SH3RF2: variants seen among roughly 807,000 people sequenced by gnomAD.
SH3RF2 encodes SH3 domain containing ring finger 2.
SH3RF2 carries 43 observed loss-of-function variants against 59.0 expected under a neutral mutation model. The observed-to-expected ratio is 0.73, with a 90% CI of 0.57 to 0.94. The LOEUF is 0.94. Among genes scored for constraint, SH3RF2 ranks in the 40% least tolerant of loss-of-function variants. The pLI, the probability that SH3RF2 is intolerant of heterozygous loss-of-function variation, is 0.00. For synonymous variants in SH3RF2, 391 were observed against 391.5 expected, an observed-to-expected ratio of 1.00 and a Z score of 0.01; for missense variants, 930 against 940.1, an observed-to-expected ratio of 0.99 and a Z score of 0.14.
chr5:146,069,354 T>C (rs1763180377), intron 9 of SH3RF2, among the ~76,000 whole-genome samples: 1 of 152,170 alleles, frequency 6.6e-6, no homozygotes, highest in African/African-American at 2.4e-5. Flanking sequence ...GTTGTGGCCA[T>C]GCCCAAATTG....
intron 9 of SH3RF2, among the ~76,000 whole-genome samples, chr5:146,076,478 A>AC (rs921593176): frequency 2.6e-5 from 4 of 151,836 alleles, no homozygotes; most frequent in Non-Finnish European, 5.9e-5. Flanking sequence ...AACAAAATGA[A>AC]CCCCCCGCCC....
Position 146,000,150 on chromosome 5 carries a change from G to A in SH3RF2, c.471G>A (p.Gln157=), listed in dbSNP as rs1760342909. The change falls in exon 3 of 10, where the codon CAG becomes CAA. Residue 157 remains glutamine, a synonymous_variant. Coordinates refer to ENST00000359120, the MANE Select transcript of SH3RF2 (RefSeq NM_152550.4). ...GAGATATCATCCTTCTCCGGAGACA[G>A]CTTGATGAGAATTGGTACCAGGGGG... ...NKGDIILLRR[Q]LDENWYQGEI... 5 of 1,613,876 alleles carry A rather than the reference G, an allele frequency of 3.1e-6. No homozygotes were observed. The highest frequency in any genetic ancestry group is 4.2e-6 in the Non-Finnish European group (5 of 1,179,948).
chr5:145,956,833 A>C (rs1190985993), intron 2 of SH3RF2, among the ~76,000 whole-genome samples: 1 of 152,190 alleles, frequency 6.6e-6, no homozygotes, highest in Non-Finnish European at 1.5e-5. Flanking sequence ...AAAGACAAGG[A>C]AATGTGACAG....
chr5:145,936,773 C>T (rs1165804564), intron 1 of SH3RF2, 79 bp downstream of exon 1: 1 of 152,328 alleles, frequency 6.6e-6, no homozygotes, highest in Non-Finnish European at 1.5e-5. Flanking sequence ...GGCGAGGCGC[C>T]ATCGCTCATT....
intron 5 of SH3RF2, chr5:146,043,808 G>A (rs1762204950): frequency 6.6e-6 from 1 of 152,220 alleles, no homozygotes; most frequent in African/African-American, 2.4e-5. Context: ...TATCACTGAG[G>A]AGTACACCGC....
rs958735381 is a variant in SH3RF2, at chr5:145,997,257, G to A, written c.379-2801G>A. On this transcript the variant is annotated intron_variant, in intron 2 of 9. Transcript: ENST00000359120. ...AACCATGCCTGCAAGTCTGATACAT[G>A]CATCTGTAAATGTACATGGAACCAA... is the stretch of plus-strand genomic sequence containing the variant. 8 of 939,356 alleles carry A rather than the reference G, an allele frequency of 8.5e-6. No homozygotes were observed. The South Asian group carries it at 1.0e-4, about 12-fold the overall frequency. The allele number at this position is 939,356 out of a possible 1,614,324, so 58.2% of individuals were successfully genotyped here.
intron 2 of SH3RF2, among the ~76,000 whole-genome samples, chr5:145,987,864 A>G (rs763878415): frequency 6.6e-6 from 1 of 152,202 alleles, no homozygotes; most frequent in Non-Finnish European, 1.5e-5. Flanking sequence ...ATTATTTTCC[A>G]GGCATTCCAC....
At position 145,937,962 on chromosome 5, in the gene SH3RF2, T is replaced by C; in HGVS notation, c.34T>C (p.Cys12Arg). 1.9e-6 allele frequency: 3 copies of C among 1,614,060 alleles called. No individual in the cohort carries two copies. Among genetic ancestry groups the C allele is most frequent in the Non-Finnish European group, 1.7e-6 (2 of 1,179,986 alleles). The change falls in exon 2 of 10, where the codon TGC becomes CGC. Residue 12 changes from cysteine (C) to arginine (R), a missense_variant. Transcript: ENST00000359120. Reference protein sequence around the residue: ...DDLTLLDLLECPVCFEKLDVT... With the variant: ...DDLTLLDLLERPVCFEKLDVT... ...TTTGACGTTACTTGATCTTCTGGAGTGCCCTGTGTGCTTTGAGAAGCTCGA... is the reference window on the plus strand; with the variant it reads ...TTTGACGTTACTTGATCTTCTGGAGCGCCCTGTGTGCTTTGAGAAGCTCGA...
chr5:146,004,468 A>G (rs1760553881), intron 4 of SH3RF2, among the ~76,000 whole-genome samples: 1 of 152,216 alleles, frequency 6.6e-6, no homozygotes, highest in African/African-American at 2.4e-5. Context: ...ATTGTAAGAA[A>G]ATATTTAAAT....
rs1334298675 is a variant in SH3RF2 at position 145,938,061 on chromosome 5, A to G, written c.133A>G (p.Lys45Glu). 1.9e-6 allele frequency: 3 copies of G among 1,614,238 alleles called. No homozygotes were observed. The highest frequency in any genetic ancestry group is 3.3e-5 in the Admixed American group (2 of 60,030). The change falls in exon 2 of 10, where the codon AAA (lysine) becomes GAA (glutamate). Residue 45 changes from lysine to glutamate, a missense_variant. By Grantham distance (56) the Lys-to-Glu change is moderately conservative. Coordinates refer to ENST00000359120, the MANE Select transcript of SH3RF2 (RefSeq NM_152550.4). The stretch of plus-strand genomic sequence containing the variant: ...TCTACAGAGGGTTTTCAAGGCCCAC[A>G]AAGAGCTGCGGTGCCCCGAATGCAG... ...PCLQRVFKAH[K>E]ELRCPECRTP...
intron 5 of SH3RF2, among the ~76,000 whole-genome samples, chr5:146,019,814 A>G (rs1561745844): frequency 6.6e-6 from 1 of 151,526 alleles, no homozygotes; most frequent in Non-Finnish European, 1.5e-5. Flanking sequence ...GAGATCTTTC[A>G]CCTCCTTGGT....
intron 5 of SH3RF2, among the ~76,000 whole-genome samples, chr5:146,014,451 T>C (rs934327284): frequency 1.3e-5 from 2 of 152,152 alleles, no homozygotes; most frequent in East Asian, 3.9e-4. Flanking sequence ...AATCTGAGAT[T>C]CAATATCCCA....
chr5:145,968,319 TTAAA>T (rs1279106679), intron 2 of SH3RF2, among the ~76,000 whole-genome samples: 2 of 152,154 alleles, frequency 1.3e-5, no homozygotes, highest in African/African-American at 4.8e-5. Flanking sequence ...AGAGACTTAA[TTAAA>T]TAAACAATGA....
chr5:145,986,727 C>G (rs1759722383), intron 2 of SH3RF2, among the ~76,000 whole-genome samples: 1 of 152,090 alleles, frequency 6.6e-6, no homozygotes, highest in South Asian at 2.1e-4. Context: ...GGATATGGCT[C>G]TAGACATATC....
At chr5:146,009,814 CTTT>C (rs1554115368) in intron 4 of SH3RF2, among the ~76,000 whole-genome samples, 1 of 152,098 alleles carries the variant, frequency 6.6e-6, no homozygotes, top group Non-Finnish European at 1.5e-5. Context: ...TTAAAATTTT[CTTT>C]TTAAGAACTT....
intron 9 of SH3RF2, among the ~76,000 whole-genome samples, chr5:146,073,006 T>C (rs563639067): frequency 3.3e-4 from 50 of 152,354 alleles, no homozygotes; most frequent in African/African-American, 1.2e-3. Flanking sequence ...GCTACCATTA[T>C]CATTATTTAC....
chr5:146,036,461 G>T (rs975578008), intron 5 of SH3RF2, among the ~76,000 whole-genome samples: 2 of 152,202 alleles, frequency 1.3e-5, no homozygotes, highest in African/African-American at 2.4e-5. Flanking sequence ...TTGGGAGGCT[G>T]AGGCGGGTGG....
intron 5 of SH3RF2, among the ~76,000 whole-genome samples, chr5:146,026,408 T>G (rs1761531717): frequency 6.6e-6 from 1 of 152,200 alleles, no homozygotes; most frequent in Admixed American, 6.5e-5. Context: ...GACAAAGGGT[T>G]TTGCCTGTCT....
At chr5:146,025,810 T>C (rs1761510944) in intron 5 of SH3RF2, among the ~76,000 whole-genome samples, 2 of 152,210 alleles carry the variant, frequency 1.3e-5, no homozygotes, top group South Asian at 4.1e-4. Flanking sequence ...AAGCTTCTTG[T>C]CATGGCTTTG....
Sources: gnomAD v4.1 joint callset for allele counts (sites outside exome capture counted in the v4.1 genomes callset) on GRCh38, gnomAD v4.1.1 for gene constraint, MANE v1.5 for transcripts, NCBI Gene and HGNC (gene_info 2026-07-23, HGNC 2026-07-21) for gene names.